Variants in UBE2W observed in about 807,000 individuals in gnomAD.
UBE2W encodes the protein ubiquitin-conjugating enzyme E2 W.
A neutral mutation model predicts 27.2 loss-of-function variants in UBE2W; 18 were observed. That is an observed-to-expected ratio of 0.66 (90% confidence interval 0.46 to 0.98). The LOEUF (loss-of-function observed/expected upper bound fraction) is 0.98, where lower values mean the gene tolerates loss of function less well. Among genes scored for constraint, UBE2W ranks in the 50% least tolerant of loss-of-function variants. The pLI, the probability that UBE2W is intolerant of heterozygous loss-of-function variation, is 0.00. For missense variants in UBE2W, 90 were observed against 180.2 expected (o/e 0.50, Z 2.87); for synonymous variants, 53 against 57.2 (o/e 0.93, Z 0.33).
At chr8:73,797,471 C>A (rs924616777) in intron 5 of UBE2W, among the ~76,000 whole-genome samples, 7 of 152,148 alleles carry the variant, frequency 4.6e-5, no homozygotes, top group Non-Finnish European at 8.8e-5. Flanking sequence ...CAGCAGGAAA[C>A]AGAAGGCACA....
rs1267325844 is a variant in UBE2W, at chr8:73,791,058, G to A, written c.*3044C>T. Reference sequence around the variant, plus strand: ...CTCCAGGTGAACTGCTGACTATATAGAAGCTATTTCCAGCACTTTCTTCTG... The same window carrying A: ...CTCCAGGTGAACTGCTGACTATATAAAAGCTATTTCCAGCACTTTCTTCTG... On this transcript the variant is annotated 3_prime_UTR_variant, in exon 6 of 6. Coordinates refer to ENST00000602593, the MANE Select transcript of UBE2W (RefSeq NM_018299.6). 1 of 984,678 alleles carries A rather than the reference G, an allele frequency of 1.0e-6. No homozygotes were observed. Among genetic ancestry groups the A allele is most frequent in the Non-Finnish European group, 1.2e-6 (1 of 829,370 alleles). 61.0% of individuals were successfully genotyped at this position (984,678 alleles called of 1,614,324 possible). A position where few individuals can be genotyped will look rare whatever the true frequency, so the allele number is the denominator to read the frequency against.
chr8:73,842,489 A>G (rs951146881), intron 1 of UBE2W, among the ~76,000 whole-genome samples: 1 of 136,374 alleles, frequency 7.3e-6, no homozygotes, highest in Non-Finnish European at 1.5e-5. Context: ...AGATGGTGCC[A>G]CTGCACTCCA....
chr8:73,810,303 T>A lies in UBE2W; in HGVS notation c.366+171A>T, dbSNP rs192777162. 1.1e-3 allele frequency among the ~76,000 whole-genome samples: 167 copies of A among 152,356 alleles called. 1 individual carries two copies. Among genetic ancestry groups the A allele is most frequent in the African/African-American group, 3.8e-3 (158 of 41,582 alleles). The stretch of plus-strand genomic sequence containing the variant: ...CAACATGTAAAACTTCTATTTGGAA[T>A]GAAAGGTATCAAAATAACTTTCCAA... On this transcript the variant is annotated intron_variant, in intron 4 of 5. Transcript: ENST00000602593.
chr8:73,849,774 T>A (rs1241220344), intron 1 of UBE2W, among the ~76,000 whole-genome samples: 3 of 151,994 alleles, frequency 2.0e-5, no homozygotes, highest in East Asian at 1.9e-4. Flanking sequence ...TGAGTTTTTT[T>A]AAAAGATATT....
intron 1 of UBE2W, among the ~76,000 whole-genome samples, chr8:73,859,550 T>C (rs902350873): frequency 2.0e-5 from 3 of 152,218 alleles, no homozygotes; most frequent in Non-Finnish European, 4.4e-5. Flanking sequence ...ATTTTTTCTC[T>C]ATCTTACTTT....
chr8:73,859,016 GT>G (rs1586535227), intron 1 of UBE2W, among the ~76,000 whole-genome samples: 2 of 143,810 alleles, frequency 1.4e-5, no homozygotes, highest in African/African-American at 5.3e-5. Context: ...GTGTGTGTGT[GT>G]GGTGGTTTTT....
intron 1 of UBE2W, among the ~76,000 whole-genome samples, chr8:73,874,613 C>T (rs542950888): frequency 3.9e-5 from 6 of 152,104 alleles, no homozygotes; most frequent in Non-Finnish European, 7.4e-5. Flanking sequence ...AAAGTTTCTA[C>T]CAAATAATCA....
chr8:73,802,571 TG>T (rs1808690287), intron 5 of UBE2W, among the ~76,000 whole-genome samples: 1 of 152,136 alleles, frequency 6.6e-6, no homozygotes, highest in Admixed American at 6.6e-5. Context: ...TACCCAACAT[TG>T]AAAAAAAACA....
intron 1 of UBE2W, among the ~76,000 whole-genome samples, chr8:73,841,112 T>C (rs1199651674): frequency 6.6e-6 from 1 of 152,086 alleles, no homozygotes; most frequent in Admixed American, 6.6e-5. Context: ...CAACTAAAGA[T>C]GGAAAGTTAA....
intron 1 of UBE2W, among the ~76,000 whole-genome samples, chr8:73,869,232 C>T (rs1463375279): frequency 6.6e-6 from 1 of 152,182 alleles, no homozygotes. Flanking sequence ...TCAAGATCAG[C>T]CTCGGCAACA....
chr8:73,792,674 A>G lies in UBE2W; in HGVS notation c.*1428T>C. On this transcript the variant is annotated 3_prime_UTR_variant, in exon 6 of 6. Transcript: ENST00000602593. ...ATTAGTAAAAATAACATTGTAGTAG[A>G]AACAGATTTTGCATATGTGAAAAGG... 2.0e-6 allele frequency: 2 copies of G among 985,552 alleles called. No individual in the cohort carries two copies. Among genetic ancestry groups the G allele is most frequent in the Non-Finnish European group, 2.4e-6 (2 of 829,626 alleles). The allele number at this position is 985,552 out of a possible 1,614,324, so 61.1% of individuals were successfully genotyped here. A position where few individuals can be genotyped will look rare whatever the true frequency, so the allele number is the denominator to read the frequency against.
chr8:73,813,005 TAA>T (rs1268361193), intron 3 of UBE2W, among the ~76,000 whole-genome samples: 13 of 71,742 alleles, frequency 1.8e-4, no homozygotes, highest in East Asian at 4.5e-4. Flanking sequence ...AACTCGGCCT[TAA>T]AAAAAAAAAA....
rs1046593343 is a variant in UBE2W at position 73,788,576 on chromosome 8, A to G, written c.*5526T>C. The G allele has an allele frequency of 1.3e-4, 126 of 985,316 alleles. No individual in the cohort carries two copies. In the Middle Eastern group the frequency reaches 2.1e-3, roughly 16 times the overall value. 61.0% of individuals were successfully genotyped at this position (985,316 alleles called of 1,614,324 possible). A position where few individuals can be genotyped will look rare whatever the true frequency, so the allele number is the denominator to read the frequency against. On this transcript the variant is annotated 3_prime_UTR_variant, in exon 6 of 6. Coordinates refer to ENST00000602593, the MANE Select transcript of UBE2W (RefSeq NM_018299.6). ...ATTTTCATGGTATCTGACACAATTT[A>G]CCAAGTTCCTTATGGTAGATTTCAG...
chr8:73,818,659 G>A (rs1219646000), intron 3 of UBE2W, among the ~76,000 whole-genome samples: 1 of 152,176 alleles, frequency 6.6e-6, no homozygotes, highest in Non-Finnish European at 1.5e-5. Context: ...GTTGGAGGTG[G>A]GGCCTGGTGG....
chr8:73,788,660 A>C lies in UBE2W; in HGVS notation c.*5442T>G. ...GCAGGATTATTAAATCTTTCCATAC[A>C]CCAGAAAATCTGACAAGTGATGTCA... On this transcript the variant is annotated 3_prime_UTR_variant, in exon 6 of 6. Transcript: ENST00000602593. 1.0e-6 allele frequency: 1 copy of C among 985,410 alleles called. No homozygotes were observed. Among genetic ancestry groups the C allele is most frequent in the South Asian group, 4.7e-5 (1 of 21,284 alleles). The allele number at this position is 985,410 out of a possible 1,614,324, so 61.0% of individuals were successfully genotyped here.
At chr8:73,830,571 A>T in intron 1 of UBE2W, 99 bp from the exon 2 acceptor site, 1 of 871,728 alleles carries the variant, frequency 1.1e-6, no homozygotes. Context: ...CCACATCCTC[A>T]AACTCCTGGG....
intron 3 of UBE2W, among the ~76,000 whole-genome samples, chr8:73,816,558 G>A (rs1809396113): frequency 6.6e-6 from 1 of 152,212 alleles, no homozygotes; most frequent in South Asian, 2.1e-4. Context: ...GAAGAGGAAG[G>A]TAATTACTCT....
chr8:73,798,608 G>C (rs1808516196), intron 5 of UBE2W, among the ~76,000 whole-genome samples: 1 of 152,166 alleles, frequency 6.6e-6, no homozygotes, highest in African/African-American at 2.4e-5. Flanking sequence ...AAACTAAGTT[G>C]TATATGCCTG....
intron 3 of UBE2W, among the ~76,000 whole-genome samples, chr8:73,823,415 G>A (rs1809704188): frequency 6.6e-6 from 1 of 152,196 alleles, no homozygotes; most frequent in African/African-American, 2.4e-5. Flanking sequence ...AGCTCCCAGA[G>A]TAAGCCTTCC....
Sources: allele counts gnomAD v4.1 joint callset (sites outside exome capture counted in the v4.1 genomes callset), GRCh38; gene constraint gnomAD v4.1.1; transcripts MANE v1.5; gene names NCBI Gene and HGNC (gene_info 2026-07-23, HGNC 2026-07-21).